Variants in ARHGEF38 observed in about 807,000 individuals in gnomAD.
ARHGEF38 encodes the protein Rho guanine nucleotide exchange factor (GEF) 38.
ARHGEF38 carries 79 observed loss-of-function variants against 79.9 expected under a neutral mutation model. That is an observed-to-expected ratio of 0.99 (90% CI 0.82 to 1.19). The LOEUF (loss-of-function observed/expected upper bound fraction) is 1.19, where lower values mean the gene tolerates loss of function less well. Among genes scored for constraint, ARHGEF38 ranks in the 50% most tolerant of loss-of-function variants. ARHGEF38 has a pLI of 0.00. For missense variants in ARHGEF38, 962 were observed against 907.2 expected (o/e 1.06, Z -0.78); for synonymous variants, 366 against 328.3 (o/e 1.11, Z -1.24).
intron 1 of ARHGEF38, among the ~76,000 whole-genome samples, chr4:105,568,494 A>T: frequency 6.6e-6 from 1 of 152,194 alleles, no homozygotes. Context: ...TACTGGGTAT[A>T]TACCCAAAGG....
At chr4:105,615,776 A>G (rs983235519) in intron 3 of ARHGEF38, among the ~76,000 whole-genome samples, 1 of 152,218 alleles carries the variant, frequency 6.6e-6, no homozygotes, top group African/African-American at 2.4e-5. Context: ...TCTGAAACAT[A>G]GTCCATCTCT....
At chr4:105,592,091 G>C (rs1162504694) in intron 2 of ARHGEF38, among the ~76,000 whole-genome samples, 3 of 152,000 alleles carry the variant, frequency 2.0e-5, no homozygotes, top group African/African-American at 7.3e-5. Context: ...AGTCCTCCCT[G>C]TCAACTCTTA....
At chr4:105,602,177 A>G (rs368332368) in intron 2 of ARHGEF38, among the ~76,000 whole-genome samples, 12 of 152,292 alleles carry the variant, frequency 7.9e-5, no homozygotes, top group African/African-American at 2.9e-4. Flanking sequence ...GAACCACAGG[A>G]GCAAGAGTAG....
intron 9 of ARHGEF38, among the ~76,000 whole-genome samples, 193 bp downstream of exon 9, chr4:105,655,915 T>A (rs185579928): frequency 6.6e-6 from 1 of 152,228 alleles, no homozygotes. Context: ...AGGATTTTAC[T>A]ATGATGGAAA....
chr4:105,599,677 A>G (rs1727741238), intron 2 of ARHGEF38, among the ~76,000 whole-genome samples: 1 of 152,224 alleles, frequency 6.6e-6, no homozygotes, highest in Non-Finnish European at 1.5e-5. Flanking sequence ...CAAAATAGCC[A>G]TGCATATCAG....
chr4:105,558,380 A>G (rs1199841529), intron 1 of ARHGEF38, among the ~76,000 whole-genome samples: 2 of 152,000 alleles, frequency 1.3e-5, no homozygotes, highest in Non-Finnish European at 2.9e-5. Flanking sequence ...AGTGCTACAA[A>G]CCCTTTTTGT....
At chr4:105,631,397 T>G (rs77096541) in intron 4 of ARHGEF38, 67,909 of 995,542 alleles carry the variant, frequency 0.068, 2,458 homozygotes, top group African/African-American at 0.13. Flanking sequence ...CGTGGCCCCA[T>G]GACCACTGGA....
At chr4:105,644,951 T>C (rs765090178) in intron 5 of ARHGEF38, among the ~76,000 whole-genome samples, 1 of 152,214 alleles carries the variant, frequency 6.6e-6, no homozygotes, top group Non-Finnish European at 1.5e-5. Flanking sequence ...AAAATCATGC[T>C]TTGAGACAAT....
chr4:105,665,771 T>C (rs1405911582), intron 10 of ARHGEF38, among the ~76,000 whole-genome samples: 1 of 152,114 alleles, frequency 6.6e-6, no homozygotes, highest in Admixed American at 6.5e-5. Context: ...GTAAACTCCA[T>C]TTCTTTGTAG....
intron 3 of ARHGEF38, among the ~76,000 whole-genome samples, chr4:105,622,206 G>A (rs546458192): frequency 3.3e-4 from 50 of 152,306 alleles, no homozygotes; most frequent in Non-Finnish European, 6.6e-4. Flanking sequence ...GATGGAGCCT[G>A]CCAGTGGAAG....
chr4:105,678,115 AAAGG>A lies in ARHGEF38; in HGVS notation c.*180_*183del. On this transcript the variant is annotated 3_prime_UTR_variant, in exon 14 of 14. Transcript: ENST00000420470. ...CAGGATTATTGCATGAATGTATTAT[AAAGG>A]ATACATGTTGAAAGAAATACTAAGC... 1 of 468,940 alleles carries A rather than the reference AAAGG, an allele frequency of 2.1e-6. No homozygotes were observed. Among genetic ancestry groups the A allele is most frequent in the Non-Finnish European group, 3.6e-6 (1 of 275,648 alleles). 29.0% of individuals were successfully genotyped at this position (468,940 alleles called of 1,614,324 possible).
chr4:105,589,450 G>A lies in ARHGEF38; in HGVS notation c.384+15G>A. On this transcript the variant is annotated intron_variant, in intron 2 of 13. Coordinates refer to ENST00000420470, the MANE Select transcript of ARHGEF38 (RefSeq NM_001242729.2). ...GAAATAAAAAGGTAAATATATATTT[G>A]AGATTTTTTTTTCTCTCCCATATCA... 1.9e-6 allele frequency: 3 copies of A among 1,592,532 alleles called. No homozygotes were observed. The East Asian group carries it at 6.7e-5, about 36-fold the overall frequency.
intron 1 of ARHGEF38, among the ~76,000 whole-genome samples, chr4:105,573,288 C>G (rs763617925): frequency 6.6e-6 from 1 of 152,090 alleles, no homozygotes; most frequent in Non-Finnish European, 1.5e-5. Flanking sequence ...AAGCCTGAGC[C>G]TTTGTCATAT....
intron 1 of ARHGEF38, among the ~76,000 whole-genome samples, chr4:105,554,598 A>G (rs1219051997): frequency 6.6e-6 from 1 of 152,188 alleles, no homozygotes; most frequent in Non-Finnish European, 1.5e-5. Context: ...ATTTAAAATC[A>G]TACACATTTA....
chr4:105,659,886 T>C (rs76199734), intron 10 of ARHGEF38, among the ~76,000 whole-genome samples: 70 of 150,612 alleles, frequency 4.6e-4, no homozygotes, highest in Middle Eastern at 3.4e-3. Context: ...TGTGTGTGTG[T>C]GTAGCTTCGC....
At chr4:105,608,524 T>C (rs1377467250) in intron 2 of ARHGEF38, among the ~76,000 whole-genome samples, 2 of 152,052 alleles carry the variant, frequency 1.3e-5, no homozygotes, top group Non-Finnish European at 2.9e-5. Context: ...ATCTTAGTAA[T>C]TGGGATATTC....
intron 1 of ARHGEF38, among the ~76,000 whole-genome samples, chr4:105,565,383 G>A (rs1725836758): frequency 6.6e-6 from 1 of 152,164 alleles, no homozygotes; most frequent in Non-Finnish European, 1.5e-5. Context: ...GATTTTAAAC[G>A]ATAAAAGATT....
At chr4:105,574,999 T>G (rs199315) in intron 1 of ARHGEF38, among the ~76,000 whole-genome samples, 16,421 of 151,274 alleles carry the variant, frequency 0.11, 953 homozygotes, top group Middle Eastern at 0.18. Flanking sequence ...TGTACACACA[T>G]ACACACACAT....
intron 10 of ARHGEF38, among the ~76,000 whole-genome samples, chr4:105,663,902 G>A (rs935579585): frequency 2.6e-5 from 4 of 151,854 alleles, no homozygotes; most frequent in East Asian, 1.9e-4. Flanking sequence ...TCTGGGAGGC[G>A]GAGGTTGCAG....
Sources: gnomAD v4.1 joint callset for allele counts (sites outside exome capture counted in the v4.1 genomes callset) on GRCh38, gnomAD v4.1.1 for gene constraint, MANE v1.5 for transcripts, NCBI Gene and HGNC (gene_info 2026-07-23, HGNC 2026-07-21) for gene names.